ABI3BP: variants seen among roughly 807,000 people sequenced by gnomAD.
ABI3BP encodes target of Nesh-SH3.
Under a neutral mutation model 268.6 loss-of-function variants are expected in ABI3BP, and 216 were observed. That is an observed-to-expected ratio of 0.80 (90% CI 0.72 to 0.90). The LOEUF is 0.90. Among genes scored for constraint, ABI3BP ranks in the 40% least tolerant of loss-of-function variants. The pLI is 0.00. For synonymous variants in ABI3BP, 730 were observed against 730.0 expected (o/e 1.00, Z 0.00); for missense variants, 2,090 against 2,182.4 (o/e 0.96, Z 0.84).
intron 64 of ABI3BP, among the ~76,000 whole-genome samples, chr3:100,754,368 A>G (rs74785333): frequency 5.1e-4 from 77 of 152,284 alleles, no homozygotes; most frequent in Non-Finnish European, 7.8e-4. Flanking sequence ...GGATTCATTG[A>G]CTAGCTTTTT....
intron 56 of ABI3BP, among the ~76,000 whole-genome samples, chr3:100,788,724 A>C (rs1355130616): frequency 1.3e-5 from 2 of 152,156 alleles, no homozygotes. Flanking sequence ...CTCTACATAA[A>C]CCAAATAATA....
At chr3:100,800,832 T>C (rs1020405176) in intron 51 of ABI3BP, among the ~76,000 whole-genome samples, 3 of 152,250 alleles carry the variant, frequency 2.0e-5, no homozygotes, top group South Asian at 4.1e-4. Context: ...CATCAATAGC[T>C]ACTTGCCTAT....
chr3:100,759,105 C>G (rs907853963), intron 63 of ABI3BP, among the ~76,000 whole-genome samples: 1 of 152,112 alleles, frequency 6.6e-6, no homozygotes, highest in Non-Finnish European at 1.5e-5. Context: ...GGTTTTCATT[C>G]TAACAAAAGT....
chr3:100,910,026 C>A (rs907438113), intron 2 of ABI3BP, among the ~76,000 whole-genome samples: 1 of 152,122 alleles, frequency 6.6e-6, no homozygotes, highest in Admixed American at 6.5e-5. Flanking sequence ...ACCCAAATGC[C>A]CATCAATGAT....
intron 31 of ABI3BP, 143 bp from the exon 32 acceptor site, chr3:100,830,777 T>G (rs2098477766): frequency 3.1e-6 from 2 of 651,428 alleles, no homozygotes; most frequent in Non-Finnish European, 5.0e-6. Flanking sequence ...TGGCTGTATT[T>G]TTTTCCTTTG....
intron 26 of ABI3BP, among the ~76,000 whole-genome samples, chr3:100,837,731 C>A (rs185251135): frequency 1.1e-4 from 16 of 151,966 alleles, no homozygotes; most frequent in African/African-American, 3.9e-4. Flanking sequence ...CTCCAACCTG[C>A]GTGACAGAGC....
chr3:100,963,150 TA>T, intron 1 of ABI3BP, among the ~76,000 whole-genome samples: 1 of 152,268 alleles, frequency 6.6e-6, no homozygotes, highest in Admixed American at 6.5e-5. Flanking sequence ...TGGCTACTAG[TA>T]TCATCTCCAC....
At chr3:100,768,240 C>T (rs1365378549) in intron 62 of ABI3BP, among the ~76,000 whole-genome samples, 1 of 152,074 alleles carries the variant, frequency 6.6e-6, no homozygotes, top group Non-Finnish European at 1.5e-5. Context: ...AGGCGCCCGC[C>T]ACCACACCCG....
intron 2 of ABI3BP, among the ~76,000 whole-genome samples, chr3:100,902,940 C>A (rs1013001120): frequency 6.6e-6 from 1 of 152,160 alleles, no homozygotes; most frequent in Admixed American, 6.5e-5. Context: ...TCATACTATA[C>A]ACAGATTTTA....
intron 55 of ABI3BP, among the ~76,000 whole-genome samples, chr3:100,790,796 G>A (rs1301331843): frequency 1.3e-5 from 2 of 151,764 alleles, no homozygotes; most frequent in African/African-American, 4.8e-5. Flanking sequence ...TGAATGTTAG[G>A]TTGCTTCTGC....
rs1027895157 is a variant in ABI3BP at position 100,885,593 on chromosome 3, T to G, written c.644-5A>C. On this transcript the variant is annotated splice_region_variant and splice_polypyrimidine_tract_variant and intron_variant, in intron 5 of 67. Coordinates refer to ENST00000471714, the MANE Select transcript of ABI3BP (RefSeq NM_001375547.2). ...TTTTCCCATTTACTTTTTTACCTGATGAAACAAGGGAAAAATAACATTATT... is the reference window on the plus strand; with the variant it reads ...TTTTCCCATTTACTTTTTTACCTGAGGAAACAAGGGAAAAATAACATTATT... 6.5e-7 allele frequency: 1 copy of G among 1,533,102 alleles called. No individual in the cohort carries two copies. Among genetic ancestry groups the G allele is most frequent in the South Asian group, 1.2e-5 (1 of 82,958 alleles). 95.0% of individuals were successfully genotyped at this position (1,533,102 alleles called of 1,614,324 possible).
At chr3:100,867,367 C>A (rs1432619826) in intron 9 of ABI3BP, among the ~76,000 whole-genome samples, 3 of 151,916 alleles carry the variant, frequency 2.0e-5, no homozygotes, top group African/African-American at 7.3e-5. Flanking sequence ...TCCGGCCGGG[C>A]GTGGTGGCTC....
intron 20 of ABI3BP, among the ~76,000 whole-genome samples, chr3:100,842,995 A>T (rs2098723633): frequency 1.3e-5 from 2 of 152,204 alleles, no homozygotes; most frequent in South Asian, 4.1e-4. Context: ...CTTATCAGGA[A>T]TGATCTCTGA....
intron 1 of ABI3BP, among the ~76,000 whole-genome samples, chr3:100,988,745 A>G (rs2153986130): frequency 6.6e-6 from 1 of 152,302 alleles, no homozygotes; most frequent in Non-Finnish European, 1.5e-5. Context: ...ACAAGTGCCA[A>G]GCTTTGTCTC....
chr3:100,808,542 T>C (rs2097772180), intron 49 of ABI3BP, among the ~76,000 whole-genome samples: 1 of 152,082 alleles, frequency 6.6e-6, no homozygotes, highest in African/African-American at 2.4e-5. Context: ...AATTCATCCT[T>C]ATTATAAGTT....
In ABI3BP at chr3:100,885,604, A is replaced by G; in HGVS notation, c.644-16T>C. 1.3e-6 allele frequency: 2 copies of G among 1,494,164 alleles called. No individual in the cohort carries two copies. Among genetic ancestry groups the G allele is most frequent in the South Asian group, 1.2e-5 (1 of 80,888 alleles). The allele number at this position is 1,494,164 out of a possible 1,614,324, so 92.6% of individuals were successfully genotyped here. On this transcript the variant is annotated splice_polypyrimidine_tract_variant and intron_variant, in intron 5 of 67. Transcript: ENST00000471714. ...ACTTTTTTACCTGATGAAACAAGGGAAAAATAACATTATTTTTATTCTCCT... is the reference window on the plus strand; with the variant it reads ...ACTTTTTTACCTGATGAAACAAGGGGAAAATAACATTATTTTTATTCTCCT...
At chr3:100,828,551 G>A in intron 33 of ABI3BP, 99 bp from the exon 34 acceptor site, 1 of 1,073,114 alleles carries the variant, frequency 9.3e-7, no homozygotes, top group Non-Finnish European at 1.3e-6. Flanking sequence ...TGACATATCT[G>A]TCCAGAGCAC....
At chr3:100,842,165 C>A in intron 20 of ABI3BP, 126 bp from the exon 21 acceptor site, 1 of 720,472 alleles carries the variant, frequency 1.4e-6, no homozygotes, top group South Asian at 1.9e-5. Context: ...TGGCTTCTGC[C>A]AGTGAAGTTC....
chr3:100,830,556 G>C (rs1430951486), intron 32 of ABI3BP, 22 bp downstream of exon 32: 2 of 1,530,888 alleles, frequency 1.3e-6, no homozygotes, highest in Admixed American at 2.0e-5. Flanking sequence ...GGCAGATGTT[G>C]ATGGACATAA....
Sources: gnomAD v4.1 joint callset for allele counts (sites outside exome capture counted in the v4.1 genomes callset) on GRCh38, gnomAD v4.1.1 for gene constraint, MANE v1.5 for transcripts, NCBI Gene and HGNC (gene_info 2026-07-23, HGNC 2026-07-21) for gene names.